Variants in ARHGAP32 observed in about 807,000 individuals in gnomAD.
ARHGAP32 encodes rho GTPase-activating protein 32.
In ARHGAP32, 51 loss-of-function variants were observed where a neutral mutation model predicts 186.5. The observed-to-expected ratio is 0.27, with a 90% CI of 0.22 to 0.35. The LOEUF (loss-of-function observed/expected upper bound fraction) is 0.35, where lower values mean the gene tolerates loss of function less well. Ranked by LOEUF, ARHGAP32 falls within the 10% of genes least tolerant of loss-of-function variation. The probability of loss-of-function intolerance (pLI) is 1.00; values close to 1 mark genes in which losing one functional copy is unlikely to be tolerated. For missense variants in ARHGAP32, 2,186 were observed against 2,623.5 expected, an observed-to-expected ratio of 0.83 and a Z score of 3.64; for synonymous variants, 950 against 964.3, an observed-to-expected ratio of 0.99 and a Z score of 0.27.
chr11:129,150,961 G>A (rs893060093), intron 2 of ARHGAP32, among the ~76,000 whole-genome samples: 10 of 150,150 alleles, frequency 6.7e-5, no homozygotes, highest in South Asian at 2.1e-4. Context: ...TCCACCAACC[G>A]ATTATTTGCT....
chr11:129,149,139 G>A (rs1337605108), intron 2 of ARHGAP32, among the ~76,000 whole-genome samples: 1 of 152,132 alleles, frequency 6.6e-6, no homozygotes, highest in African/African-American at 2.4e-5. Flanking sequence ...TACTACTATA[G>A]CTGATGCTCT....
intron 11 of ARHGAP32, among the ~76,000 whole-genome samples, chr11:129,002,364 G>T (rs535787281): frequency 1.3e-5 from 2 of 152,238 alleles, no homozygotes; most frequent in East Asian, 3.9e-4. Context: ...CTATAAATGG[G>T]ATTGCTTTCT....
At chr11:128,999,609 CAT>C (rs1209692008) in intron 11 of ARHGAP32, among the ~76,000 whole-genome samples, 1 of 152,208 alleles carries the variant, frequency 6.6e-6, no homozygotes, top group Non-Finnish European at 1.5e-5. Flanking sequence ...AACCTGCCGA[CAT>C]GTGATGTCTC....
chr11:129,207,097 T>C (rs994302047), intron 1 of ARHGAP32, among the ~76,000 whole-genome samples: 1 of 152,232 alleles, frequency 6.6e-6, no homozygotes, highest in Non-Finnish European at 1.5e-5. Context: ...TTCTTTTTTA[T>C]GGCTGCATAG....
At chr11:129,094,390 C>CA (rs1433305092) in intron 5 of ARHGAP32, among the ~76,000 whole-genome samples, 2 of 150,540 alleles carry the variant, frequency 1.3e-5, no homozygotes, top group African/African-American at 2.4e-5. Flanking sequence ...TTTAAAATTT[C>CA]AAAAAAAAAT....
chr11:129,001,991 GT>G (rs1374059193), intron 11 of ARHGAP32, among the ~76,000 whole-genome samples: 1 of 152,086 alleles, frequency 6.6e-6, no homozygotes, highest in Non-Finnish European at 1.5e-5. Flanking sequence ...ATGTCATGCT[GT>G]TTTGGTTATT....
intron 2 of ARHGAP32, among the ~76,000 whole-genome samples, chr11:129,141,475 G>A (rs1943051159): frequency 6.6e-6 from 1 of 152,016 alleles, no homozygotes; most frequent in Non-Finnish European, 1.5e-5. Context: ...CCTGTCATGG[G>A]GTAGGGGGAT....
chr11:128,973,404 A>G lies in ARHGAP32; in HGVS notation c.3102T>C (p.Asp1034=), dbSNP rs1945451494. Residue 1034 remains aspartate (D), a synonymous_variant, in exon 22 of 23, where the codon GAT becomes GAC. Transcript: ENST00000682385. ...TGAVTHDPPQ[D]SVPVSSVSLI... Reference sequence around the variant, plus strand: ...GAGAGACTGAACTGACAGGAACGGAATCCTGAGGGGGGTCATGGGTAACTG... The same window carrying G: ...GAGAGACTGAACTGACAGGAACGGAGTCCTGAGGGGGGTCATGGGTAACTG... 1 of 1,613,852 alleles carries G rather than the reference A, an allele frequency of 6.2e-7. No homozygotes were observed. Among genetic ancestry groups the G allele is most frequent in the Non-Finnish European group, 8.5e-7 (1 of 1,179,998 alleles).
At position 128,973,291 on chromosome 11, in the gene ARHGAP32, G is replaced by A; in HGVS notation, c.3215C>T (p.Ser1072Leu). Reference sequence around the variant, plus strand: ...CTGAGAGGTCCCTGGTCTCTTCAATGACTGAGTTGAGGCTTGCTGTGCGGA... The same window carrying A: ...CTGAGAGGTCCCTGGTCTCTTCAATAACTGAGTTGAGGCTTGCTGTGCGGA... ...AESAQQASTQSLKRPGTSQAG... is the reference protein window; with the variant it reads ...AESAQQASTQLLKRPGTSQAG... Residue 1072 changes from serine to leucine, a missense_variant, in exon 22 of 23, where the codon TCA becomes TTA. Physicochemically the swap from Ser to Leu is moderately radical, Grantham distance 145 (BLOSUM62 -2). This residue lies in a region of ARHGAP32 where 1,502 missense variants were observed against 1,570.0 expected (regional missense o/e 0.96). Transcript: ENST00000682385. The A allele has an allele frequency of 6.2e-7, 1 of 1,614,196 alleles. No individual in the cohort carries two copies. The highest frequency in any genetic ancestry group is 1.1e-5 in the South Asian group (1 of 91,078).
intron 1 of ARHGAP32, among the ~76,000 whole-genome samples, chr11:129,178,898 C>T (rs556345601): frequency 5.4e-4 from 82 of 152,192 alleles, no homozygotes; most frequent in Non-Finnish European, 1.1e-3. Flanking sequence ...AACTTCATGT[C>T]TAAAACACCA....
At chr11:129,242,619 G>A (rs1421319440) in intron 1 of ARHGAP32, among the ~76,000 whole-genome samples, 1 of 151,666 alleles carries the variant, frequency 6.6e-6, no homozygotes, top group East Asian at 1.9e-4. Flanking sequence ...TTGGGAGGCT[G>A]AGGCAGGAGA....
chr11:129,188,935 G>C (rs532618727), intron 1 of ARHGAP32, among the ~76,000 whole-genome samples: 399 of 152,266 alleles, frequency 2.6e-3, no homozygotes, highest in African/African-American at 9.1e-3. Context: ...TATTAGGGAA[G>C]TCTAAACAAA....
At chr11:129,188,921 G>A (rs913180419) in intron 1 of ARHGAP32, among the ~76,000 whole-genome samples, 14 of 152,228 alleles carry the variant, frequency 9.2e-5, no homozygotes, top group East Asian at 7.7e-4. Flanking sequence ...AGCCCATAAC[G>A]TGGTATTAGG....
intron 2 of ARHGAP32, among the ~76,000 whole-genome samples, chr11:129,156,714 C>T (rs559376436): frequency 7.4e-4 from 112 of 152,314 alleles, no homozygotes; most frequent in Non-Finnish European, 1.3e-3. Context: ...CCCAGCACAG[C>T]GCTGGAGCTC....
At chr11:129,198,171 T>TA (rs1321168549) in intron 1 of ARHGAP32, among the ~76,000 whole-genome samples, 1 of 152,180 alleles carries the variant, frequency 6.6e-6, no homozygotes, top group Non-Finnish European at 1.5e-5. Flanking sequence ...GATATTTCTA[T>TA]AAAAAAGTTA....
intron 6 of ARHGAP32, among the ~76,000 whole-genome samples, chr11:129,084,718 C>T (rs894663304): frequency 2.6e-5 from 4 of 152,134 alleles, no homozygotes; most frequent in Admixed American, 2.0e-4. Flanking sequence ...TGGTGACAAA[C>T]TTGAAACTCT....
intron 6 of ARHGAP32, among the ~76,000 whole-genome samples, chr11:129,076,254 C>T (rs566417937): frequency 8.4e-4 from 128 of 152,076 alleles, no homozygotes; most frequent in Non-Finnish European, 1.3e-3. Context: ...AGCATACAAT[C>T]AAGAAATAAC....
upstream of ARHGAP32, among the ~76,000 whole-genome samples, chr11:129,193,732 A>ATATATTATATATTATATATTATATATT (rs1491217015): frequency 3.6e-3 from 290 of 80,276 alleles, 1 homozygote; most frequent in African/African-American, 0.016. Flanking sequence ...TATTATATAT[A>ATATATTATATATTATATATTATATATT]ATATATATTA....
intron 12 of ARHGAP32, among the ~76,000 whole-genome samples, chr11:128,995,814 G>A (rs1046674866): frequency 6.6e-6 from 1 of 152,222 alleles, no homozygotes; most frequent in African/African-American, 2.4e-5. Context: ...ACTCCAGCCT[G>A]GATGACAGAG....
Sources: allele counts gnomAD v4.1 joint callset (sites outside exome capture counted in the v4.1 genomes callset), GRCh38; gene constraint gnomAD v4.1.1; regional missense constraint gnomAD v4.1.1; transcripts MANE v1.5; gene names NCBI Gene and HGNC (gene_info 2026-07-23, HGNC 2026-07-21).